The following RANBP2 variants were observed in gnomAD, a reference collection of about 807,000 sequenced individuals.
RANBP2 encodes RAN binding protein 2, also known as E3 SUMO-protein ligase RanBP2.
A neutral mutation model predicts 303.6 loss-of-function variants in RANBP2; 57 were observed. The ratio of observed to expected loss-of-function variants is 0.19; its 90% CI spans 0.15 to 0.23. RANBP2 has a LOEUF of 0.23. RANBP2 is among the 10% of genes least tolerant of loss of function. The pLI is 1.00. For synonymous variants in RANBP2, 1,167 were observed against 1,301.5 expected (o/e 0.90, Z 2.23); for missense variants, 3,138 against 3,780.8 (o/e 0.83, Z 4.46).
chr2:108,883,702 G>C, the RANBP2 span: 1 of 152,268 alleles, frequency 6.6e-6, no homozygotes, highest in African/African-American at 2.4e-5. Flanking sequence ...GGCCAGTGGG[G>C]GTTGCCATCA....
chr2:108,866,825 G>A, the RANBP2 span, among the ~76,000 whole-genome samples: 7 of 151,842 alleles, frequency 4.6e-5, no homozygotes, highest in Admixed American at 4.6e-4. Flanking sequence ...GGAGTTTGCA[G>A]TGAGCCGAGA....
the RANBP2 span, among the ~76,000 whole-genome samples, chr2:109,170,315 TCCTCTC>T: frequency 7.1e-6 from 1 of 140,188 alleles, no homozygotes; most frequent in African/African-American, 2.8e-5. Context: ...TTCTCTTCTC[TCCTCTC>T]TCTCTCTCCT....
the RANBP2 span, among the ~76,000 whole-genome samples, chr2:109,461,676 C>T: frequency 2.0e-5 from 3 of 150,244 alleles, no homozygotes; most frequent in Non-Finnish European, 4.4e-5. Flanking sequence ...TAAAGACCTG[C>T]GCGGTGATCC....
the RANBP2 span, among the ~76,000 whole-genome samples, chr2:109,441,049 CA>C: frequency 6.9e-6 from 1 of 145,726 alleles, no homozygotes; most frequent in Non-Finnish European, 1.5e-5. Flanking sequence ...CAACAGAGCT[CA>C]AAAACAACAC....
chr2:108,789,063 G>T, downstream of RANBP2: 1 of 1,273,820 alleles, frequency 7.9e-7, no homozygotes, highest in Non-Finnish European at 1.1e-6. Flanking sequence ...CTTTCCTGAG[G>T]ACAAGTATGA....
the RANBP2 span, among the ~76,000 whole-genome samples, chr2:109,200,737 CT>C: frequency 6.6e-6 from 1 of 152,194 alleles, no homozygotes; most frequent in Non-Finnish European, 1.5e-5. Context: ...CTTGCTGCCC[CT>C]CCTCACCCCT....
chr2:109,401,401 AAG>A, the RANBP2 span, among the ~76,000 whole-genome samples: 3 of 152,140 alleles, frequency 2.0e-5, no homozygotes, highest in Admixed American at 2.0e-4. Context: ...TTCCTCCTAG[AAG>A]AGCAAAGGCC....
chr2:109,637,375 G>C, the RANBP2 span, among the ~76,000 whole-genome samples: 2 of 152,156 alleles, frequency 1.3e-5, no homozygotes, highest in Admixed American at 6.5e-5. Context: ...AACTGCAAGA[G>C]GCTTTCCTCT....
chr2:108,951,902 G>C, the RANBP2 span, among the ~76,000 whole-genome samples: 68 of 152,302 alleles, frequency 4.5e-4, no homozygotes, highest in African/African-American at 1.6e-3. Context: ...ATTGAATGGT[G>C]TACAATGATG....
At chr2:108,927,318 G>T in the RANBP2 span, among the ~76,000 whole-genome samples, 1 of 152,200 alleles carries the variant, frequency 6.6e-6, no homozygotes, top group East Asian at 1.9e-4. Context: ...CAAGATTCCA[G>T]CACTGGAAAG....
At chr2:109,314,539 C>T in the RANBP2 span, among the ~76,000 whole-genome samples, 1 of 152,146 alleles carries the variant, frequency 6.6e-6, no homozygotes, top group Non-Finnish European at 1.5e-5. Flanking sequence ...ATGAATAGCA[C>T]CATCAACTAA....
At chr2:108,807,457 A>G in the RANBP2 span, among the ~76,000 whole-genome samples, 394 of 152,334 alleles carry the variant, frequency 2.6e-3, 2 homozygotes, top group Non-Finnish European at 5.1e-3. Flanking sequence ...TGATCACAGT[A>G]ATTAGCTAAT....
At chr2:109,588,671 A>C in the RANBP2 span, among the ~76,000 whole-genome samples, 1 of 148,374 alleles carries the variant, frequency 6.7e-6, no homozygotes. Flanking sequence ...TTGTATTTTT[A>C]ATAGAGATGG....
the RANBP2 span, among the ~76,000 whole-genome samples, chr2:108,831,089 C>T: frequency 4.6e-5 from 7 of 151,954 alleles, no homozygotes; most frequent in East Asian, 1.9e-4. Context: ...GCACCAGAAT[C>T]GCTTAAACCC....
chr2:109,693,466 C>T, the RANBP2 span, among the ~76,000 whole-genome samples: 13 of 152,308 alleles, frequency 8.5e-5, no homozygotes, highest in African/African-American at 3.1e-4. Flanking sequence ...GCCCACAACT[C>T]CTGGTGGCAG....
the RANBP2 span, among the ~76,000 whole-genome samples, chr2:109,574,367 G>C: frequency 1.4e-5 from 2 of 147,112 alleles, no homozygotes; most frequent in Non-Finnish European, 3.0e-5. Context: ...GATCGTTTGA[G>C]CCCACGGGTT....
At chr2:109,333,864 T>A in the RANBP2 span, among the ~76,000 whole-genome samples, 3 of 152,212 alleles carry the variant, frequency 2.0e-5, no homozygotes, top group South Asian at 6.2e-4. Flanking sequence ...ATTATAATTA[T>A]GATGATATAA....
the RANBP2 span, among the ~76,000 whole-genome samples, chr2:108,866,939 C>T: frequency 1.3e-5 from 2 of 151,218 alleles, no homozygotes; most frequent in Non-Finnish European, 1.5e-5. Flanking sequence ...CCCTTTTCCT[C>T]CCCTGTATTA....
At chr2:108,769,871 A>T (rs1439042724) in intron 20 of RANBP2, among the ~76,000 whole-genome samples, 1 of 152,026 alleles carries the variant, frequency 6.6e-6, no homozygotes, top group Non-Finnish European at 1.5e-5. Flanking sequence ...AGAACAGGTT[A>T]GGGAAGTGAA....
Sources: gnomAD v4.1 joint callset for allele counts (sites outside exome capture counted in the v4.1 genomes callset) on GRCh38, gnomAD v4.1.1 for gene constraint, MANE v1.5 for transcripts, NCBI Gene and HGNC (gene_info 2026-07-23, HGNC 2026-07-21) for gene names.